COL18A1: variants seen among roughly 807,000 people sequenced by gnomAD.
COL18A1 encodes the protein collagen alpha-1(XVIII) chain.
COL18A1 carries 133 observed loss-of-function variants against 168.0 expected under a neutral mutation model. That is an observed-to-expected ratio of 0.79 (90% confidence interval 0.69 to 0.91). COL18A1 has a LOEUF of 0.91. COL18A1 is among the 40% of genes least tolerant of loss of function. The pLI is 0.00. For synonymous variants in COL18A1, 949 were observed against 809.0 expected, an observed-to-expected ratio of 1.17 and a Z score of -2.94; for missense variants, 2,126 against 1,925.4, an observed-to-expected ratio of 1.10 and a Z score of -1.95.
In COL18A1 at chr21:45,480,079, G is replaced by A; in HGVS notation, c.1321G>A (p.Gly441Arg). The stretch of plus-strand genomic sequence containing the variant: ...TGTCTTGTGTTCCCAGGGAGACCCT[G>A]GGGTTGGAGAGAGAGGGCCCCCAGG... ...VGPKGDKGDP[G>R]VGERGPPGPQ... Residue 441 changes from glycine (G) to arginine (R), a missense_variant, in exon 11 of 42, where the codon GGG becomes AGG. By Grantham distance (125) the Gly-to-Arg change is moderately radical (BLOSUM62 -2). Coordinates refer to ENST00000651438, the MANE Select transcript of COL18A1 (RefSeq NM_001379500.1). 1 of 1,611,026 alleles carries A rather than the reference G, an allele frequency of 6.2e-7. No individual in the cohort carries two copies. The highest frequency in any genetic ancestry group is 1.3e-5 in the African/African-American group (1 of 74,886).
chr21:45,413,493 C>T (rs918375630), intron 2 of COL18A1, among the ~76,000 whole-genome samples: 7 of 152,250 alleles, frequency 4.6e-5, no homozygotes, highest in Non-Finnish European at 8.8e-5. Context: ...TCTGAGAAAG[C>T]CGGGCCTCTT....
At chr21:45,502,128 G>T (rs1177376549) in intron 32 of COL18A1, among the ~76,000 whole-genome samples, 1 of 150,590 alleles carries the variant, frequency 6.6e-6, no homozygotes, top group Non-Finnish European at 1.5e-5. Context: ...CCCGGAGCAG[G>T]GCCCAGCCCG....
At chr21:45,440,205 C>T (rs1361315959) in intron 2 of COL18A1, among the ~76,000 whole-genome samples, 1 of 152,270 alleles carries the variant, frequency 6.6e-6, no homozygotes, top group Admixed American at 6.5e-5. Context: ...GCTTCCTCAC[C>T]TGTGCACACA....
In COL18A1 at chr21:45,495,424, G is replaced by C; in HGVS notation, c.2500G>C (p.Gly834Arg). The change falls in exon 29 of 42, where the codon GGC becomes CGC. Residue 834 changes from glycine to arginine, a missense_variant. By Grantham distance (125) the Gly-to-Arg change is moderately radical. Coordinates refer to ENST00000651438, the MANE Select transcript of COL18A1 (RefSeq NM_001379500.1). ...GEPGDASLGF[G>R]MRGMPGPPGP... ...GCCGGGAGATGCCAGCCTTGGATTT[G>C]GCATGAGGGTGAGTGTCTCTCAAGG... The C allele has an allele frequency of 1.2e-6, 2 of 1,609,622 alleles. No homozygotes were observed. The highest frequency in any genetic ancestry group is 1.7e-6 in the Non-Finnish European group (2 of 1,177,876).
Position 45,505,209 on chromosome 21 carries a change from G to A in COL18A1, c.2944G>A (p.Gly982Arg). 4 of 1,603,214 alleles carry A rather than the reference G, an allele frequency of 2.5e-6. No homozygotes were observed. Among genetic ancestry groups the A allele is most frequent in the Non-Finnish European group, 3.4e-6 (4 of 1,175,786 alleles). The change falls in exon 35 of 42, where the codon GGG becomes AGG. Residue 982 changes from glycine to arginine, a missense_variant. Coordinates refer to ENST00000651438, the MANE Select transcript of COL18A1 (RefSeq NM_001379500.1). ...GGGACCCCCCGGCATCGGCTACGAG[G>A]GGCGCCAGGGCCCTCCCGGCCCCCC... is the stretch of plus-strand genomic sequence containing the variant. ...PQGPPGIGYE[G>R]RQGPPGPPGP...
chr21:45,453,066 G>C (rs1035981297), intron 2 of COL18A1, among the ~76,000 whole-genome samples: 1 of 151,944 alleles, frequency 6.6e-6, no homozygotes, highest in Non-Finnish European at 1.5e-5. Context: ...ACATGTGTGA[G>C]CTTGTGTATG....
At chr21:45,484,111 C>CATATGT (rs2036000904) in intron 15 of COL18A1, among the ~76,000 whole-genome samples, 1 of 110,980 alleles carries the variant, frequency 9.0e-6, no homozygotes, top group African/African-American at 4.2e-5. Context: ...AGCATATGTG[C>CATATGT]ACACGCACAC....
At chr21:45,480,430 G>A (rs1454617939) in intron 11 of COL18A1, 37 bp from the exon 12 acceptor site, 1 of 1,613,966 alleles carries the variant, frequency 6.2e-7, no homozygotes, top group Non-Finnish European at 8.5e-7. Context: ...GGGGGGCCGA[G>A]CTCAGGGCAA....
At chr21:45,494,313 G>A (rs1234546209) in intron 26 of COL18A1, 14 of 551,954 alleles carry the variant, frequency 2.5e-5, no homozygotes, top group Admixed American at 1.4e-4. Flanking sequence ...CAACCTGGAC[G>A]CAAACCCCAA....
Position 45,512,436 on chromosome 21 carries a change from G to A in COL18A1, c.*38G>A. 1 of 1,590,348 alleles carries A rather than the reference G, an allele frequency of 6.3e-7. No homozygotes were observed. On this transcript the variant is annotated 3_prime_UTR_variant, in exon 42 of 42. Coordinates refer to ENST00000651438, the MANE Select transcript of COL18A1 (RefSeq NM_001379500.1). ...TGCGGATGGCCGGAGAGGACCGGCG[G>A]CTCGGAGGAAGCCCCCACCGTGGGC...
In COL18A1 at chr21:45,479,995, C is replaced by T. The variant is rs377347811; in HGVS notation, c.1311+31C>T. The T allele has an allele frequency of 5.5e-5, 88 of 1,613,810 alleles. No homozygotes were observed. The African/African-American group carries it at 1.0e-3, about 19-fold the overall frequency. On this transcript the variant is annotated intron_variant, in intron 10 of 41. Coordinates refer to ENST00000651438, the MANE Select transcript of COL18A1 (RefSeq NM_001379500.1). ...TCTCCGTGGCTGGGTGGGGCCCCTTCCTGTGTTGGCCCTTGGCTCAAGGTG... is the reference window on the plus strand; with the variant it reads ...TCTCCGTGGCTGGGTGGGGCCCCTTTCTGTGTTGGCCCTTGGCTCAAGGTG...
chr21:45,431,716 T>C (rs1400628436), intron 2 of COL18A1, among the ~76,000 whole-genome samples: 1 of 151,954 alleles, frequency 6.6e-6, no homozygotes, highest in African/African-American at 2.4e-5. Context: ...CAATCCCAGC[T>C]GGCTCTCTGC....
At chr21:45,482,403 C>T (rs1300513314) in intron 14 of COL18A1, 2 of 612,204 alleles carry the variant, frequency 3.3e-6, no homozygotes, top group Admixed American at 2.2e-5. Flanking sequence ...GCGTCTGGCC[C>T]CCTGGGGAGC....
intron 41 of COL18A1, 88 bp from the exon 42 acceptor site, chr21:45,512,100 C>G (rs947019516): frequency 1.4e-6 from 2 of 1,447,830 alleles, no homozygotes; most frequent in Non-Finnish European, 9.5e-7. Context: ...GGGCTGGCCT[C>G]CTGCCTCCAC....
chr21:45,406,938 T>G (rs2033131150), intron 2 of COL18A1, among the ~76,000 whole-genome samples: 1 of 152,236 alleles, frequency 6.6e-6, no homozygotes, highest in African/African-American at 2.4e-5. Context: ...GGCTGTGCGT[T>G]CCTCTTCTGT....
chr21:45,415,602 G>A (rs1185084075), intron 2 of COL18A1, among the ~76,000 whole-genome samples: 7 of 152,334 alleles, frequency 4.6e-5, no homozygotes, highest in South Asian at 2.1e-4. Context: ...GCGGGGGTGC[G>A]GCAGGCGGCC....
intron 13 of COL18A1, among the ~76,000 whole-genome samples, chr21:45,481,437 G>A (rs1001645531): frequency 3.9e-5 from 6 of 152,206 alleles, no homozygotes; most frequent in Non-Finnish European, 8.8e-5. Flanking sequence ...GTGGCCTGGG[G>A]TCACTCGGTA....
rs943346350 is a variant in COL18A1, at chr21:45,512,519, GT to G, written c.*123del. 1.3e-5 allele frequency: 11 copies of G among 865,892 alleles called. No individual in the cohort carries two copies. The highest frequency in any genetic ancestry group is 1.2e-4 in the African/African-American group (7 of 59,148). 53.6% of individuals were successfully genotyped at this position (865,892 alleles called of 1,614,324 possible). A position where few individuals can be genotyped will look rare whatever the true frequency, so the allele number is the denominator to read the frequency against. On this transcript the variant is annotated 3_prime_UTR_variant, in exon 42 of 42. Coordinates refer to ENST00000651438, the MANE Select transcript of COL18A1 (RefSeq NM_001379500.1). The stretch of plus-strand genomic sequence containing the variant: ...CCTGGCTGCCATACTTTCCTGTATA[GT>G]TCACGTTTCATGTAATCCTCAAGAA...
intron 36 of COL18A1, 149 bp downstream of exon 36, chr21:45,505,580 G>A (rs1209740265): frequency 1.5e-6 from 1 of 679,926 alleles, no homozygotes; most frequent in Non-Finnish European, 2.6e-6. Flanking sequence ...GCGGGGCCAG[G>A]CCATGGGGGA....
Sources: allele counts gnomAD v4.1 joint callset (sites outside exome capture counted in the v4.1 genomes callset), GRCh38; gene constraint gnomAD v4.1.1; transcripts MANE v1.5; gene names NCBI Gene and HGNC (gene_info 2026-07-23, HGNC 2026-07-21).